Variants in PCDHGA1 observed in about 807,000 individuals in gnomAD.
The protein encoded by PCDHGA1 is protocadherin gamma-A1.
Under a neutral mutation model 58.0 loss-of-function variants are expected in PCDHGA1, and 32 were observed. That is an observed-to-expected ratio of 0.55 (90% CI 0.42 to 0.74). The LOEUF (loss-of-function observed/expected upper bound fraction) is 0.74. PCDHGA1 is among the 30% of genes least tolerant of loss of function. PCDHGA1 has a pLI of 0.00. For missense variants in PCDHGA1, 1,205 were observed against 1,182.3 expected (o/e 1.02, Z -0.28); for synonymous variants, 498 against 501.1 (o/e 0.99, Z 0.08).
chr5:141,384,576 G>GCCCGAGAT (rs1429173266), intron 1 of PCDHGA1: 3 of 1,614,060 alleles, frequency 1.9e-6, no homozygotes, highest in Non-Finnish European at 2.5e-6. Context: ...ATGACAACCC[G>GCCCGAGAT]CCCGAGATCC....
chr5:141,340,073 C>T (rs765132369), intron 1 of PCDHGA1: 8 of 1,614,012 alleles, frequency 5.0e-6, no homozygotes, highest in Non-Finnish European at 6.8e-6. Flanking sequence ...CATAATTGGG[C>T]TTTTTAATGT....
In PCDHGA1 at chr5:141,432,700, G is replaced by C. The variant is rs1320099367; in HGVS notation, c.2422-62107G>C. 4 of 1,613,980 alleles carry C rather than the reference G, an allele frequency of 2.5e-6. No individual in the cohort carries two copies. In the Admixed American group the frequency reaches 6.7e-5, roughly 27 times the overall value. ...AGCAGAGCCTCGTAGTGGCCGTCCA[G>C]GACCACGGCCAGCCCCCTCTCTCCG... On this transcript the variant is annotated intron_variant, in intron 1 of 3. Coordinates refer to ENST00000517417, the MANE Select transcript of PCDHGA1 (RefSeq NM_018912.3). The surrounding 1 kb of genome is among the most constrained non-coding windows in gnomAD (Gnocchi z 6.0).
Position 141,432,400 on chromosome 5 carries a change from G to C in PCDHGA1, c.2422-62407G>C, listed in dbSNP as rs139153105. ...ACCCGCCCCTCAGCAGCAACGTGTC[G>C]TTGAGCCTGTTCGTGCTGGACCAGA... is the stretch of plus-strand genomic sequence containing the variant. On this transcript the variant is annotated intron_variant, in intron 1 of 3. Coordinates refer to ENST00000517417, the MANE Select transcript of PCDHGA1 (RefSeq NM_018912.3). This position sits in a 1 kb window ranked among gnomAD's most constrained non-coding sequence, Gnocchi z 6.0. 1.2e-6 allele frequency: 2 copies of C among 1,614,240 alleles called. No individual in the cohort carries two copies. Among genetic ancestry groups the C allele is most frequent in the South Asian group, 2.2e-5 (2 of 91,090 alleles).
At chr5:141,471,504 G>A (rs1487198851) in intron 1 of PCDHGA1, 1 of 152,214 alleles carries the variant, frequency 6.6e-6, no homozygotes, top group Non-Finnish European at 1.5e-5. Flanking sequence ...ATGCAAGAGA[G>A]GGAGTAAAAA....
rs768847018 is a variant in PCDHGA1 at position 141,431,426 on chromosome 5, A to C, written c.2422-63381A>C. On this transcript the variant is annotated intron_variant, in intron 1 of 3. Transcript: ENST00000517417. The surrounding 1 kb of genome is among the most constrained non-coding windows in gnomAD (Gnocchi z 4.8). ...CTCCGACGGGGGCGACCCGGTGCGCACAGGCACCGCGCGCATCCGCGTGAT... is the reference window on the plus strand; with the variant it reads ...CTCCGACGGGGGCGACCCGGTGCGCCCAGGCACCGCGCGCATCCGCGTGAT... 6.2e-7 allele frequency: 1 copy of C among 1,613,666 alleles called. No individual in the cohort carries two copies. The highest frequency in any genetic ancestry group is 1.1e-5 in the South Asian group (1 of 91,078).
At chr5:141,433,364 T>C (rs1246641841) in intron 1 of PCDHGA1, 1 of 524,614 alleles carries the variant, frequency 1.9e-6, no homozygotes, top group Admixed American at 3.5e-5. Context: ...TCTGCCTATC[T>C]ATCTATCTAT....
intron 1 of PCDHGA1, chr5:141,364,669 A>T (rs1763470346): frequency 1.9e-6 from 3 of 1,613,898 alleles, no homozygotes; most frequent in Non-Finnish European, 2.5e-6. Flanking sequence ...TTGAGAACAA[A>T]ATGAAAATTT....
rs1025148587 is a variant in PCDHGA1, at chr5:141,431,434, C to T, written c.2422-63373C>T. ...GGGGCGACCCGGTGCGCACAGGCAC[C>T]GCGCGCATCCGCGTGATGGTTCTGG... On this transcript the variant is annotated intron_variant, in intron 1 of 3. Transcript: ENST00000517417. This position sits in a 1 kb window ranked among gnomAD's most constrained non-coding sequence, Gnocchi z 4.8. The T allele has an allele frequency of 6.2e-7, 1 of 1,613,690 alleles. No homozygotes were observed. The highest frequency in any genetic ancestry group is 1.3e-5 in the African/African-American group (1 of 75,072).
intron 1 of PCDHGA1, chr5:141,388,571 C>G: frequency 9.3e-6 from 15 of 1,613,830 alleles, no homozygotes; most frequent in Non-Finnish European, 1.2e-5. Flanking sequence ...CACAGATACA[C>G]GTTCTAGTGA....
At chr5:141,411,250 T>C (rs1009574489) in intron 1 of PCDHGA1, 1 of 152,156 alleles carries the variant, frequency 6.6e-6, no homozygotes, top group African/African-American at 2.4e-5. Context: ...ATTTACGATA[T>C]CTTATTTATA....
chr5:141,421,933 G>A (rs1310432014), intron 1 of PCDHGA1: 1 of 1,613,446 alleles, frequency 6.2e-7, no homozygotes, highest in Non-Finnish European at 8.5e-7. Flanking sequence ...GGTCCTCGAT[G>A]TAAATGATCA....
chr5:141,462,242 G>A (rs1325040495), intron 1 of PCDHGA1, among the ~76,000 whole-genome samples: 3 of 152,234 alleles, frequency 2.0e-5, no homozygotes, highest in Non-Finnish European at 4.4e-5. Context: ...TTACAGGTAT[G>A]AGCCACCATG....
rs1263728099 is a variant in PCDHGA1, at chr5:141,476,079, G to T, written c.2422-18728G>T. Reference sequence around the variant, plus strand: ...AGTTTCTCAGCGAAATCTCAGGGACGATCTGGACCCCGCTGAGAGGAACTG... The same window carrying T: ...AGTTTCTCAGCGAAATCTCAGGGACTATCTGGACCCCGCTGAGAGGAACTG... On this transcript the variant is annotated intron_variant, in intron 1 of 3. Coordinates refer to ENST00000517417, the MANE Select transcript of PCDHGA1 (RefSeq NM_018912.3). This position sits in a 1 kb window ranked among gnomAD's most constrained non-coding sequence, Gnocchi z 7.6. 3 of 1,537,560 alleles carry T rather than the reference G, an allele frequency of 2.0e-6. No homozygotes were observed. Among genetic ancestry groups the T allele is most frequent in the African/African-American group, 1.4e-5 (1 of 72,808 alleles).
chr5:141,375,640 C>T (rs1375647493), intron 1 of PCDHGA1: 1 of 1,614,226 alleles, frequency 6.2e-7, no homozygotes, highest in Non-Finnish European at 8.5e-7. Flanking sequence ...CCCTGCGCTC[C>T]TTCGACTATG....
chr5:141,403,974 A>G (rs1351754228), intron 1 of PCDHGA1: 1 of 1,613,872 alleles, frequency 6.2e-7, no homozygotes, highest in African/African-American at 1.3e-5. Flanking sequence ...GAAGATGTAA[A>G]TGACAATAGA....
rs2099624335 is a variant in PCDHGA1 at position 141,486,093 on chromosome 5, C to T, written c.2422-8714C>T. On this transcript the variant is annotated intron_variant, in intron 1 of 3. Coordinates refer to ENST00000517417, the MANE Select transcript of PCDHGA1 (RefSeq NM_018912.3). This position sits in a 1 kb window ranked among gnomAD's most constrained non-coding sequence, Gnocchi z 5.0. ...ACTGGAAAGCTTACTCTTTTGGGGC[C>T]CCTAGACTTTGAGAGTGAGAATTAC... 1 of 1,614,112 alleles carries T rather than the reference C, an allele frequency of 6.2e-7. No homozygotes were observed. The highest frequency in any genetic ancestry group is 8.5e-7 in the Non-Finnish European group (1 of 1,180,008).
chr5:141,403,749 C>T (rs759577178), intron 1 of PCDHGA1: 2 of 1,613,652 alleles, frequency 1.2e-6, no homozygotes, highest in Non-Finnish European at 1.7e-6. Context: ...ACTGCAACAG[C>T]CAGCGACCTG....
At chr5:141,371,323 A>C in intron 1 of PCDHGA1, 5 of 1,614,012 alleles carry the variant, frequency 3.1e-6, no homozygotes, top group Non-Finnish European at 4.2e-6. Flanking sequence ...CTGGACTTTG[A>C]AGAGAGAGAT....
Position 141,432,326 on chromosome 5 carries a change from G to C in PCDHGA1, c.2422-62481G>C. The C allele has an allele frequency of 1.2e-6, 2 of 1,614,228 alleles. No individual in the cohort carries two copies. The highest frequency in any genetic ancestry group is 2.2e-5 in the East Asian group (1 of 44,890). On this transcript the variant is annotated intron_variant, in intron 1 of 3. Transcript: ENST00000517417. This position sits in a 1 kb window ranked among gnomAD's most constrained non-coding sequence, Gnocchi z 6.0. ...GTATGCGCTGAGCTCCTTCGACTAC[G>C]AGCAGTTCCGAGACTTGCAAGTGAA...
Sources: allele counts gnomAD v4.1 joint callset (sites outside exome capture counted in the v4.1 genomes callset), GRCh38; gene constraint gnomAD v4.1.1; non-coding constraint Gnocchi (gnomAD v3.1); transcripts MANE v1.5; gene names NCBI Gene and HGNC (gene_info 2026-07-23, HGNC 2026-07-21).